The following TOX2 variants were observed in gnomAD, a reference collection of about 807,000 sequenced individuals.
TOX2 encodes TOX high mobility group box family member 2.
A neutral mutation model predicts 47.4 loss-of-function variants in TOX2; 15 were observed. The observed-to-expected ratio is 0.32, with a 90% CI of 0.21 to 0.49. The LOEUF (loss-of-function observed/expected upper bound fraction) is 0.49. Ranked by LOEUF, TOX2 falls within the 20% of genes least tolerant of loss-of-function variation. TOX2 has a pLI of 0.99. For synonymous variants in TOX2, 290 were observed against 296.6 expected, an observed-to-expected ratio of 0.98 and a Z score of 0.23; for missense variants, 622 against 673.1, an observed-to-expected ratio of 0.92 and a Z score of 0.84.
chr20:44,067,161 T>C (rs1215747588), intron 8 of TOX2, among the ~76,000 whole-genome samples: 3 of 152,112 alleles, frequency 2.0e-5, no homozygotes, highest in African/African-American at 7.2e-5. Flanking sequence ...TCCTGCATCT[T>C]AGGCCAGTTC....
intron 2 of TOX2, among the ~76,000 whole-genome samples, chr20:43,978,278 G>T (rs1569056280): frequency 6.6e-6 from 1 of 152,142 alleles, no homozygotes; most frequent in East Asian, 1.9e-4. Context: ...CTCCTCATGG[G>T]CTCCAGCTAA....
At chr20:44,028,219 AG>A (rs1480960243) in intron 3 of TOX2, among the ~76,000 whole-genome samples, 1 of 151,942 alleles carries the variant, frequency 6.6e-6, no homozygotes, top group Non-Finnish European at 1.5e-5. Flanking sequence ...TGAGTCCAAA[AG>A]TGAGTAGGGG....
chr20:43,962,346 G>A (rs1362717726), intron 1 of TOX2, among the ~76,000 whole-genome samples: 1 of 152,226 alleles, frequency 6.6e-6, no homozygotes, highest in Non-Finnish European at 1.5e-5. Flanking sequence ...GCTGCCCTAG[G>A]TTGGAGCTGG....
chr20:43,937,449 G>A (rs916763774), intron 1 of TOX2, among the ~76,000 whole-genome samples: 1 of 152,100 alleles, frequency 6.6e-6, no homozygotes, highest in Non-Finnish European at 1.5e-5. Flanking sequence ...TGGGCACAGA[G>A]TTCAGTTTGA....
intron 1 of TOX2, among the ~76,000 whole-genome samples, chr20:43,953,341 G>T (rs6065676): frequency 0.14 from 20,734 of 152,142 alleles, 2,024 homozygotes; most frequent in African/African-American, 0.27. Flanking sequence ...CATAGAAGCC[G>T]CCTCTGTCTG....
intron 1 of TOX2, among the ~76,000 whole-genome samples, chr20:43,960,078 G>A (rs2069733260): frequency 1.3e-5 from 2 of 152,208 alleles, no homozygotes; most frequent in Admixed American, 6.5e-5. Flanking sequence ...GGGAGCCTCA[G>A]TAACTTACCT....
intron 1 of TOX2, among the ~76,000 whole-genome samples, chr20:43,965,324 CTG>C (rs1467430047): frequency 1.3e-5 from 2 of 152,152 alleles, no homozygotes; most frequent in Non-Finnish European, 2.9e-5. Context: ...CAGCTTGGGA[CTG>C]TGGTCAAAGA....
chr20:43,942,685 C>CAATA (rs751223628), intron 1 of TOX2, among the ~76,000 whole-genome samples: 2 of 151,282 alleles, frequency 1.3e-5, no homozygotes, highest in African/African-American at 2.4e-5. Flanking sequence ...GACCCTGTCT[C>CAATA]AATAAATAAA....
intron 2 of TOX2, 147 bp downstream of exon 2, chr20:43,973,579 C>T (rs2070017842): frequency 4.4e-6 from 3 of 685,706 alleles, no homozygotes; most frequent in South Asian, 1.8e-5. Context: ...TAGCAATAGT[C>T]TCCTTAAAAG....
At chr20:43,981,870 T>C (rs2070174828) in intron 2 of TOX2, among the ~76,000 whole-genome samples, 1 of 151,970 alleles carries the variant, frequency 6.6e-6, no homozygotes, top group Non-Finnish European at 1.5e-5. Flanking sequence ...TGTGAGAAAT[T>C]TAGCTGTGCA....
At position 43,916,072 on chromosome 20, in the gene TOX2, C is replaced by G. The variant is rs2069051617; in HGVS notation, c.99+1082C>G. On this transcript the variant is annotated intron_variant, in intron 1 of 8. Coordinates refer to ENST00000341197, the MANE Select transcript of TOX2 (RefSeq NM_001098797.2). This position sits in a 1 kb window ranked among gnomAD's most constrained non-coding sequence, Gnocchi z 5.0. ...TAGTTAGGAAGCCAGACTGTCCGCG[C>G]GTCCGCCAGTCGGTGCGTCGGTCCC... 1.0e-6 allele frequency: 1 copy of G among 956,310 alleles called. No individual in the cohort carries two copies. Among genetic ancestry groups the G allele is most frequent in the African/African-American group, 1.8e-5 (1 of 56,636 alleles). 59.2% of individuals were successfully genotyped at this position (956,310 alleles called of 1,614,324 possible).
chr20:43,926,839 A>C (rs895538879), intron 1 of TOX2, among the ~76,000 whole-genome samples: 20 of 152,220 alleles, frequency 1.3e-4, no homozygotes, highest in African/African-American at 4.8e-4. Context: ...GCCTGCCAGC[A>C]AGGCACGTGA....
intron 2 of TOX2, among the ~76,000 whole-genome samples, chr20:44,003,104 C>A (rs1268065736): frequency 6.6e-6 from 1 of 152,094 alleles, no homozygotes; most frequent in Non-Finnish European, 1.5e-5. Context: ...GACAGTAGTT[C>A]CCAGCTCCAG....
At chr20:44,052,148 G>C (rs1476730162) in intron 4 of TOX2, among the ~76,000 whole-genome samples, 1 of 152,126 alleles carries the variant, frequency 6.6e-6, no homozygotes, top group Non-Finnish European at 1.5e-5. Flanking sequence ...CACTGACCTT[G>C]AGGGTGGGGT....
chr20:43,972,005 A>G (rs1207609007), intron 1 of TOX2, among the ~76,000 whole-genome samples: 2 of 152,184 alleles, frequency 1.3e-5, no homozygotes, highest in African/African-American at 4.8e-5. Context: ...CCATGTGAAT[A>G]TATCTTAATA....
chr20:43,940,746 G>A (rs927932467), intron 1 of TOX2, among the ~76,000 whole-genome samples: 11 of 152,138 alleles, frequency 7.2e-5, no homozygotes, highest in African/African-American at 2.2e-4. Flanking sequence ...TTGCAGAGAC[G>A]AGGCACATGG....
intron 8 of TOX2, 31 bp downstream of exon 8, chr20:44,066,888 T>G: frequency 6.3e-7 from 1 of 1,595,608 alleles, no homozygotes; most frequent in Non-Finnish European, 8.5e-7. Flanking sequence ...GCCTTTGTCC[T>G]GCCAGCCAGG....
chr20:43,936,707 C>A (rs933497808), intron 1 of TOX2, among the ~76,000 whole-genome samples: 5 of 152,222 alleles, frequency 3.3e-5, no homozygotes, highest in African/African-American at 7.2e-5. Context: ...AGAGAGCAAA[C>A]CCCAGTGTCC....
intron 3 of TOX2, among the ~76,000 whole-genome samples, chr20:44,032,834 G>A (rs935033150): frequency 6.6e-6 from 1 of 152,156 alleles, no homozygotes; most frequent in Non-Finnish European, 1.5e-5. Context: ...CCCCAAAGGG[G>A]ACAAATTGCT....
Sources: gnomAD v4.1 joint callset for allele counts (sites outside exome capture counted in the v4.1 genomes callset) on GRCh38, gnomAD v4.1.1 for gene constraint, Gnocchi (gnomAD v3.1) non-coding constraint, MANE v1.5 for transcripts, NCBI Gene and HGNC (gene_info 2026-07-23, HGNC 2026-07-21) for gene names.